DOCK5: variants seen among roughly 807,000 people sequenced by gnomAD.
The protein encoded by DOCK5 is dedicator of cytokinesis 5.
In DOCK5, 142 loss-of-function variants were observed where a neutral mutation model predicts 251.8. That is an observed-to-expected ratio of 0.56 (90% CI 0.49 to 0.65). The LOEUF is 0.65. Among genes scored for constraint, DOCK5 ranks in the 30% least tolerant of loss-of-function variants. The pLI is 0.00. For synonymous variants in DOCK5, 842 were observed against 835.5 expected (o/e 1.01, Z -0.13); for missense variants, 2,111 against 2,312.3 (o/e 0.91, Z 1.79).
At chr8:25,403,792 C>A in intron 48 of DOCK5, 68 bp downstream of exon 48, 1 of 1,524,298 alleles carries the variant, frequency 6.6e-7, no homozygotes, top group Non-Finnish European at 8.9e-7. Context: ...CCTTTAGCCA[C>A]GCATCACTCC....
At chr8:25,312,337 C>T (rs1805121651) in intron 13 of DOCK5, among the ~76,000 whole-genome samples, 1 of 152,212 alleles carries the variant, frequency 6.6e-6, no homozygotes, top group South Asian at 2.1e-4. Flanking sequence ...GGGTTGGCTT[C>T]TCCTGAGGCC....
intron 2 of DOCK5, among the ~76,000 whole-genome samples, chr8:25,251,115 C>T (rs549416531): frequency 6.6e-6 from 1 of 152,276 alleles, no homozygotes; most frequent in Admixed American, 6.5e-5. Context: ...TGCTGGTTTC[C>T]TGTGTTTAAT....
At chr8:25,279,290 A>G (rs1050091414) in intron 5 of DOCK5, among the ~76,000 whole-genome samples, 19 of 152,196 alleles carry the variant, frequency 1.2e-4, no homozygotes, top group Admixed American at 1.0e-3. Context: ...ACAAGGAGCC[A>G]GCACATCCTC....
chr8:25,361,555 A>G (rs1800680047), intron 28 of DOCK5, among the ~76,000 whole-genome samples: 1 of 152,224 alleles, frequency 6.6e-6, no homozygotes, highest in Non-Finnish European at 1.5e-5. Flanking sequence ...TGGAGGTTGC[A>G]GTAAGTCGAG....
intron 3 of DOCK5, among the ~76,000 whole-genome samples, chr8:25,274,173 T>A (rs541893933): frequency 2.6e-5 from 4 of 152,350 alleles, no homozygotes; most frequent in African/African-American, 9.6e-5. Context: ...AGAACAACCC[T>A]GTCAATGTTC....
chr8:25,405,943 A>G (rs1563233646), intron 48 of DOCK5, among the ~76,000 whole-genome samples: 1 of 152,098 alleles, frequency 6.6e-6, no homozygotes, highest in Non-Finnish European at 1.5e-5. Flanking sequence ...TCAAAAAAGT[A>G]TGTTTATTTT....
chr8:25,369,528 T>C, intron 33 of DOCK5, 28 bp from the exon 34 acceptor site: 2 of 1,583,980 alleles, frequency 1.3e-6, no homozygotes, highest in Non-Finnish European at 8.6e-7. Flanking sequence ...TGCAACATTA[T>C]CCTGTGAAAT....
At chr8:25,276,529 G>A (rs1804045532) in intron 4 of DOCK5, among the ~76,000 whole-genome samples, 2 of 152,108 alleles carry the variant, frequency 1.3e-5, no homozygotes, top group Admixed American at 1.3e-4. Context: ...GGGTAGGACT[G>A]GAATCCTGGG....
chr8:25,236,327 T>C (rs1360344690), intron 1 of DOCK5, among the ~76,000 whole-genome samples: 1 of 152,190 alleles, frequency 6.6e-6, no homozygotes, highest in East Asian at 1.9e-4. Flanking sequence ...TGGAACCTAC[T>C]TGTAATTATC....
intron 2 of DOCK5, among the ~76,000 whole-genome samples, chr8:25,263,216 T>C (rs1803639394): frequency 1.4e-5 from 1 of 69,756 alleles, no homozygotes; most frequent in Non-Finnish European, 2.7e-5. Context: ...GGACCGTCTG[T>C]CCTCCTCCCT....
intron 2 of DOCK5, among the ~76,000 whole-genome samples, chr8:25,246,725 T>C (rs1442971413): frequency 4.8e-4 from 71 of 146,560 alleles, no homozygotes; most frequent in African/African-American, 1.8e-3. Flanking sequence ...TGTGTGTGTG[T>C]GTGTGTGTGT....
chr8:25,407,401 TTC>T (rs1368785361), intron 48 of DOCK5, among the ~76,000 whole-genome samples: 1 of 152,172 alleles, frequency 6.6e-6, no homozygotes, highest in African/African-American at 2.4e-5. Context: ...ACTTTAAAGA[TTC>T]TGTCTTTGCC....
intron 1 of DOCK5, among the ~76,000 whole-genome samples, chr8:25,209,170 A>AATCAAGAGAGAAGTTTCCTGT (rs1246925497): frequency 1.3e-4 from 5 of 38,166 alleles, no homozygotes; most frequent in Admixed American, 3.3e-4. Flanking sequence ...GGAGGCTCAG[A>AATCAAGAGAGAAGTTTCCTGT]GCACATTAGC....
intron 13 of DOCK5, among the ~76,000 whole-genome samples, chr8:25,315,090 G>A (rs1805205980): frequency 1.9e-5 from 1 of 52,286 alleles, no homozygotes; most frequent in African/African-American, 4.8e-5. Context: ...CTCCTCCCTC[G>A]CTGAAAACAT....
At chr8:25,373,779 A>C in intron 36 of DOCK5, 121 bp downstream of exon 36, 1 of 889,410 alleles carries the variant, frequency 1.1e-6, no homozygotes, top group South Asian at 1.6e-5. Context: ...CTAAAAGTAC[A>C]TGATACGCTC....
intron 27 of DOCK5, among the ~76,000 whole-genome samples, chr8:25,354,352 A>T (rs1315541349): frequency 6.6e-6 from 1 of 152,196 alleles, no homozygotes; most frequent in African/African-American, 2.4e-5. Flanking sequence ...ATAAAGAAAG[A>T]TTGATATGGG....
intron 40 of DOCK5, among the ~76,000 whole-genome samples, chr8:25,384,370 C>A (rs944459018): frequency 6.6e-6 from 1 of 151,920 alleles, no homozygotes; most frequent in African/African-American, 2.4e-5. Flanking sequence ...TCAAAACTCA[C>A]AGAATTTTAC....
intron 1 of DOCK5, among the ~76,000 whole-genome samples, chr8:25,191,770 A>G (rs924537858): frequency 6.6e-6 from 1 of 151,110 alleles, no homozygotes; most frequent in Non-Finnish European, 1.5e-5. Context: ...TTTTAAAATT[A>G]TATATATATA....
At chr8:25,318,674 C>T (rs1347982676) in intron 14 of DOCK5, among the ~76,000 whole-genome samples, 1 of 149,456 alleles carries the variant, frequency 6.7e-6, no homozygotes, top group African/African-American at 2.5e-5. Flanking sequence ...AGAAGTGAGT[C>T]CCAATTCTGA....
Sources: gnomAD v4.1 joint callset for allele counts (sites outside exome capture counted in the v4.1 genomes callset) on GRCh38, gnomAD v4.1.1 for gene constraint, MANE v1.5 for transcripts, NCBI Gene and HGNC (gene_info 2026-07-23, HGNC 2026-07-21) for gene names.